The following ZNF277 variants were observed in gnomAD, a reference collection of about 807,000 sequenced individuals.
ZNF277 encodes the protein zinc finger protein 277, also known as nuclear receptor-interacting factor 4.
In ZNF277, 55 loss-of-function variants were observed where a neutral mutation model predicts 60.7. The observed-to-expected ratio is 0.91, with a 90% confidence interval of 0.73 to 1.13. ZNF277 has a LOEUF of 1.13. Among genes scored for constraint, ZNF277 ranks in the 50% most tolerant of loss-of-function variants. ZNF277 has a pLI of 0.00. For synonymous variants in ZNF277, 178 were observed against 179.3 expected, an observed-to-expected ratio of 0.99 and a Z score of 0.06; for missense variants, 510 against 523.0, an observed-to-expected ratio of 0.98 and a Z score of 0.24.
chr7:112,327,428 A>G (rs1167308061), intron 5 of ZNF277, among the ~76,000 whole-genome samples: 1 of 152,200 alleles, frequency 6.6e-6, no homozygotes. Context: ...GCTTCCTAAC[A>G]GGCCATGGAC....
chr7:112,228,232 T>C (rs906726091), intron 1 of ZNF277, among the ~76,000 whole-genome samples: 3 of 152,056 alleles, frequency 2.0e-5, no homozygotes, highest in African/African-American at 7.2e-5. Context: ...CCCACCCTAA[T>C]TCAGGATGCT....
At chr7:112,220,318 A>G (rs1425320094) in intron 1 of ZNF277, among the ~76,000 whole-genome samples, 1 of 144,838 alleles carries the variant, frequency 6.9e-6, no homozygotes, top group Non-Finnish European at 1.5e-5. Flanking sequence ...TGTAAATGGT[A>G]TTTCTTTTTT....
chr7:112,337,858 T>C, intron 9 of ZNF277, 32 bp downstream of exon 9: 1 of 1,569,242 alleles, frequency 6.4e-7, no homozygotes, highest in Non-Finnish European at 8.7e-7. Flanking sequence ...GAATTTTGTT[T>C]TATTCTGACA....
chr7:112,286,875 A>T lies in ZNF277; in HGVS notation c.94A>T (p.Ser32Cys). The T allele has an allele frequency of 8.0e-7, 1 of 1,250,820 alleles. No individual in the cohort carries two copies. The highest frequency in any genetic ancestry group is 1.1e-6 in the Non-Finnish European group (1 of 930,038). The allele number at this position is 1,250,820 out of a possible 1,614,324, so 77.5% of individuals were successfully genotyped here. A position where few individuals can be genotyped will look rare whatever the true frequency, so the allele number is the denominator to read the frequency against. Reference sequence around the variant, plus strand: ...TTTTTTTTTTTGGTCTATTCCAGACAGTAAGGATTGTATCCTGGAGCCGCT... The same window carrying T: ...TTTTTTTTTTTGGTCTATTCCAGACTGTAAGGATTGTATCCTGGAGCCGCT... ...STVGGVGYGD[S>C]KDCILEPLSL... The change falls in exon 2 of 12, where the codon AGT becomes TGT. Residue 32 changes from serine to cysteine, a missense_variant and splice_region_variant. Transcript: ENST00000361822.
chr7:112,322,804 T>C (rs73424486), intron 5 of ZNF277, among the ~76,000 whole-genome samples: 4,236 of 152,230 alleles, frequency 0.028, 209 homozygotes, highest in African/African-American at 0.098. Context: ...GTAATTTTTT[T>C]GTCAAAAACT....
chr7:112,303,530 C>T (rs1020345210), intron 4 of ZNF277, among the ~76,000 whole-genome samples: 1 of 151,982 alleles, frequency 6.6e-6, no homozygotes, highest in African/African-American at 2.4e-5. Context: ...TCATGCCATG[C>T]TGATAGCTTT....
intron 1 of ZNF277, among the ~76,000 whole-genome samples, chr7:112,277,492 A>C (rs933224451): frequency 1.3e-5 from 2 of 152,234 alleles, no homozygotes; most frequent in African/African-American, 4.8e-5. Context: ...CTCTCAATCA[A>C]GTGCCCACTG....
intron 1 of ZNF277, among the ~76,000 whole-genome samples, chr7:112,214,099 T>G (rs1821821523): frequency 6.6e-6 from 1 of 152,240 alleles, no homozygotes; most frequent in African/African-American, 2.4e-5. Flanking sequence ...GATACCGAAT[T>G]ACATACACTT....
intron 1 of ZNF277, among the ~76,000 whole-genome samples, chr7:112,278,726 C>G (rs1051033049): frequency 6.6e-6 from 1 of 152,072 alleles, no homozygotes; most frequent in African/African-American, 2.4e-5. Context: ...CTCTCCTGCT[C>G]TCCATTTTTT....
chr7:112,227,511 T>C (rs1822206022), intron 1 of ZNF277, among the ~76,000 whole-genome samples: 1 of 152,162 alleles, frequency 6.6e-6, no homozygotes, highest in African/African-American at 2.4e-5. Flanking sequence ...GGGCCTGTGA[T>C]TGGCCAAAAC....
At chr7:112,244,387 C>T (rs1371640911) in intron 1 of ZNF277, among the ~76,000 whole-genome samples, 3 of 152,060 alleles carry the variant, frequency 2.0e-5, no homozygotes, top group East Asian at 1.9e-4. Context: ...ATATTTTACT[C>T]GTATTTCTGA....
At chr7:112,248,767 C>T (rs903650788) in intron 1 of ZNF277, among the ~76,000 whole-genome samples, 11 of 151,998 alleles carry the variant, frequency 7.2e-5, no homozygotes, top group Non-Finnish European at 1.5e-4. Context: ...CATATATCTT[C>T]GTACATTTAA....
intron 1 of ZNF277, among the ~76,000 whole-genome samples, chr7:112,271,402 G>A (rs1791666419): frequency 6.6e-6 from 1 of 152,154 alleles, no homozygotes; most frequent in Non-Finnish European, 1.5e-5. Flanking sequence ...AGAGGATTCT[G>A]TTACATCATG....
At chr7:112,318,047 G>C (rs932391656) in intron 4 of ZNF277, 135 bp from the exon 5 acceptor site, 4 of 651,532 alleles carry the variant, frequency 6.1e-6, no homozygotes, top group Non-Finnish European at 1.1e-5. Context: ...CAGGAATGGA[G>C]AAATTTGAAA....
chr7:112,314,985 G>A (rs11761567), intron 4 of ZNF277, among the ~76,000 whole-genome samples: 18,839 of 151,992 alleles, frequency 0.12, 1,374 homozygotes, highest in South Asian at 0.16. Flanking sequence ...ATTTTTTAAA[G>A]GTTCATTTAC....
At chr7:112,236,140 C>T (rs545628520) in intron 1 of ZNF277, among the ~76,000 whole-genome samples, 40 of 152,032 alleles carry the variant, frequency 2.6e-4, no homozygotes, top group African/African-American at 8.7e-4. Flanking sequence ...ATTACTGTAG[C>T]GTTTTAGTAA....
intron 1 of ZNF277, among the ~76,000 whole-genome samples, chr7:112,212,308 ATAAACCAT>A: frequency 6.6e-6 from 1 of 152,334 alleles, no homozygotes; most frequent in African/African-American, 2.4e-5. Flanking sequence ...TTCTATTTCT[ATAAACCAT>A]TAAGTCCAGT....
At chr7:112,296,971 A>AGGCT (rs1354540667) in intron 4 of ZNF277, among the ~76,000 whole-genome samples, 12 of 96,976 alleles carry the variant, frequency 1.2e-4, no homozygotes, top group African/African-American at 4.1e-4. Context: ...TCTGTTGCCC[A>AGGCT]GGCTGGAGTG....
At chr7:112,224,010 G>A (rs922085454) in intron 1 of ZNF277, among the ~76,000 whole-genome samples, 1 of 152,214 alleles carries the variant, frequency 6.6e-6, no homozygotes, top group East Asian at 1.9e-4. Flanking sequence ...GTTGGGTTCT[G>A]CTCGGGCACT....
Sources: allele counts gnomAD v4.1 joint callset (sites outside exome capture counted in the v4.1 genomes callset), GRCh38; gene constraint gnomAD v4.1.1; transcripts MANE v1.5; gene names NCBI Gene and HGNC (gene_info 2026-07-23, HGNC 2026-07-21).